Variants in UNK observed in about 807,000 individuals in gnomAD.
UNK encodes the protein RING finger protein unkempt homolog.
Under a neutral mutation model 97.6 loss-of-function variants are expected in UNK, and 32 were observed. The observed-to-expected ratio is 0.33, with a 90% CI of 0.25 to 0.44. The LOEUF (loss-of-function observed/expected upper bound fraction) is 0.44. UNK is among the 20% of genes least tolerant of loss of function. The pLI, the probability that UNK is intolerant of heterozygous loss-of-function variation, is 1.00. For missense variants in UNK, 771 were observed against 1,098.4 expected (o/e 0.70, Z 4.21); for synonymous variants, 441 against 461.2 (o/e 0.96, Z 0.56).
Position 75,824,924 on chromosome 17 carries a change from G to A in UNK, c.*507G>A, listed in dbSNP as rs557070536. ...CCTGCTCCCCCTACCTCCTTGCCAG[G>A]GCAAGGGTGGAGTGTGGAAGACGTG... is the stretch of plus-strand genomic sequence containing the variant. On this transcript the variant is annotated 3_prime_UTR_variant, in exon 16 of 16. Transcript: ENST00000589666. This position sits in a 1 kb window ranked among gnomAD's most constrained non-coding sequence, Gnocchi z 4.9. The A allele has an allele frequency of 1.3e-5, 2 of 152,364 alleles. No homozygotes were observed. The highest frequency in any genetic ancestry group is 4.8e-5 in the African/African-American group (2 of 41,560). 9.4% of individuals were successfully genotyped at this position (152,364 alleles called of 1,614,324 possible). A position where few individuals can be genotyped will look rare whatever the true frequency, so the allele number is the denominator to read the frequency against.
intron 1 of UNK, chr17:75,794,085 C>G: frequency 1.0e-6 from 1 of 984,668 alleles, no homozygotes. Context: ...GAGACTGGTA[C>G]TTGTATTTCC....
Position 75,824,239 on chromosome 17 carries a change from C to G in UNK, c.2278-23C>G. Reference sequence around the variant, plus strand: ...TTGGGGCCAGACCCATGGATGGTGACCACGATGCCCCTTTCCCTGCAGGCC... The same window carrying G: ...TTGGGGCCAGACCCATGGATGGTGAGCACGATGCCCCTTTCCCTGCAGGCC... On this transcript the variant is annotated intron_variant, in intron 15 of 15. Coordinates refer to ENST00000589666, the MANE Select transcript of UNK (RefSeq NM_001080419.3). This position sits in a 1 kb window ranked among gnomAD's most constrained non-coding sequence, Gnocchi z 4.9. 6.4e-7 allele frequency: 1 copy of G among 1,566,312 alleles called. No homozygotes were observed. Among genetic ancestry groups the G allele is most frequent in the Non-Finnish European group, 8.7e-7 (1 of 1,152,948 alleles).
In UNK at chr17:75,815,168, G is replaced by A; in HGVS notation, c.877-1G>A. 1 of 1,612,726 alleles carries A rather than the reference G, an allele frequency of 6.2e-7. No homozygotes were observed. Among genetic ancestry groups the A allele is most frequent in the Non-Finnish European group, 8.5e-7 (1 of 1,179,538 alleles). On this transcript the variant is annotated splice_acceptor_variant, in intron 6 of 15. Transcript: ENST00000589666. LOFTEE classifies it high-confidence loss of function. The stretch of plus-strand genomic sequence containing the variant: ...TGACTTGCCTGTGCTCTGCCCTCCA[G>A]ATCTACAAGTCCACCAAGTGCAACG...
intron 1 of UNK, among the ~76,000 whole-genome samples, chr17:75,799,097 G>C (rs2061833380): frequency 6.6e-6 from 1 of 151,738 alleles, no homozygotes; most frequent in Non-Finnish European, 1.5e-5. Flanking sequence ...GGTTGCTGGA[G>C]GTCAGGAGTT....
chr17:75,811,458 G>A (rs932577905), intron 2 of UNK, among the ~76,000 whole-genome samples: 2 of 152,158 alleles, frequency 1.3e-5, no homozygotes, highest in African/African-American at 2.4e-5. Context: ...CTAGCCTAAC[G>A]AAGCACTCAG....
intron 1 of UNK, among the ~76,000 whole-genome samples, chr17:75,788,103 T>C (rs986249002): frequency 5.3e-5 from 8 of 152,142 alleles, no homozygotes; most frequent in African/African-American, 1.2e-4. Flanking sequence ...TAATTGATCA[T>C]TGATAATAAT....
At chr17:75,802,957 TC>T (rs2061875207) in intron 1 of UNK, among the ~76,000 whole-genome samples, 1 of 136,694 alleles carries the variant, frequency 7.3e-6, no homozygotes, top group Non-Finnish European at 1.5e-5. Context: ...AAACCTCGTC[TC>T]TACTAAAAAT....
chr17:75,801,841 CT>C (rs2061862111), intron 1 of UNK, among the ~76,000 whole-genome samples: 1 of 148,424 alleles, frequency 6.7e-6, no homozygotes, highest in Non-Finnish European at 1.5e-5. Flanking sequence ...CTGCACCCGG[CT>C]CCCCCCAGCC....
At position 75,818,506 on chromosome 17, in the gene UNK, C is replaced by A; in HGVS notation, c.1372-136C>A. The A allele has an allele frequency of 9.6e-7, 1 of 1,038,216 alleles. No homozygotes were observed. Among genetic ancestry groups the A allele is most frequent in the Non-Finnish European group, 1.4e-6 (1 of 734,710 alleles). The allele number at this position is 1,038,216 out of a possible 1,614,324, so 64.3% of individuals were successfully genotyped here. On this transcript the variant is annotated intron_variant, in intron 10 of 15. Coordinates refer to ENST00000589666, the MANE Select transcript of UNK (RefSeq NM_001080419.3). The surrounding 1 kb of genome is among the most constrained non-coding windows in gnomAD (Gnocchi z 5.1). Reference sequence around the variant, plus strand: ...CAACAAGGTGTCGGGTGTGCCGGGGCCCATGTGGGCATGGGGGCACCCGGA... The same window carrying A: ...CAACAAGGTGTCGGGTGTGCCGGGGACCATGTGGGCATGGGGGCACCCGGA...
intron 1 of UNK, among the ~76,000 whole-genome samples, chr17:75,801,477 A>G (rs1599368694): frequency 6.6e-6 from 1 of 152,154 alleles, no homozygotes; most frequent in Admixed American, 6.5e-5. Flanking sequence ...TGATTACACT[A>G]CTGCACTCCA....
At chr17:75,788,108 A>G (rs993487221) in intron 1 of UNK, among the ~76,000 whole-genome samples, 1 of 152,170 alleles carries the variant, frequency 6.6e-6, no homozygotes, top group South Asian at 2.1e-4. Context: ...GATCATTGAT[A>G]ATAATTGATC....
At chr17:75,797,154 A>G (rs1218373765) in intron 1 of UNK, among the ~76,000 whole-genome samples, 1 of 152,358 alleles carries the variant, frequency 6.6e-6, no homozygotes, top group East Asian at 1.9e-4. Context: ...GATTTCAATA[A>G]AGAATGTTTA....
intron 1 of UNK, among the ~76,000 whole-genome samples, chr17:75,791,031 C>G (rs899031784): frequency 3.3e-5 from 5 of 152,122 alleles, no homozygotes; most frequent in Non-Finnish European, 5.9e-5. Flanking sequence ...GGAAGTATAC[C>G]TCAAAGACTA....
At chr17:75,790,058 A>G (rs1411748399) in intron 1 of UNK, among the ~76,000 whole-genome samples, 1 of 152,184 alleles carries the variant, frequency 6.6e-6, no homozygotes, top group African/African-American at 2.4e-5. Flanking sequence ...CAGGAGAATC[A>G]TTTGAACCTG....
At chr17:75,796,873 T>A (rs1567796079) in intron 1 of UNK, among the ~76,000 whole-genome samples, 1 of 152,210 alleles carries the variant, frequency 6.6e-6, no homozygotes, top group Non-Finnish European at 1.5e-5. Flanking sequence ...CAATATTCTC[T>A]TTGAGGGTAA....
At position 75,792,115 on chromosome 17, in the gene UNK, C is replaced by T. The variant is rs1396503472; in HGVS notation, c.104+7131C>T. 5.2e-6 allele frequency: 5 copies of T among 962,280 alleles called. No individual in the cohort carries two copies. The African/African-American group carries it at 8.8e-5, about 17-fold the overall frequency. 59.6% of individuals were successfully genotyped at this position (962,280 alleles called of 1,614,324 possible). A position where few individuals can be genotyped will look rare whatever the true frequency, so the allele number is the denominator to read the frequency against. ...GAGCAGCACAGCACACATCTGCAGGCTTTCCTGCCAGACCTTTACCTAAAG... is the reference window on the plus strand; with the variant it reads ...GAGCAGCACAGCACACATCTGCAGGTTTTCCTGCCAGACCTTTACCTAAAG... On this transcript the variant is annotated intron_variant, in intron 1 of 15. Coordinates refer to ENST00000589666, the MANE Select transcript of UNK (RefSeq NM_001080419.3).
chr17:75,815,192 C>A lies in UNK; in HGVS notation c.900C>A (p.Asn300Lys). ...HPEIYKSTKC[N>K]DMQQSGSCPR... The stretch of plus-strand genomic sequence containing the variant: ...AGATCTACAAGTCCACCAAGTGCAA[C>A]GACATGCAGCAGTCGGGCAGCTGTC... The change falls in exon 7 of 16, where the codon AAC becomes AAA. Residue 300 changes from asparagine (N) to lysine (K), a missense_variant. Coordinates refer to ENST00000589666, the MANE Select transcript of UNK (RefSeq NM_001080419.3). 1.9e-6 allele frequency: 3 copies of A among 1,613,380 alleles called. No homozygotes were observed. The highest frequency in any genetic ancestry group is 2.5e-6 in the Non-Finnish European group (3 of 1,179,692).
intron 1 of UNK, among the ~76,000 whole-genome samples, chr17:75,797,230 T>TTTTTTG (rs1011576783): frequency 2.0e-5 from 3 of 152,302 alleles, no homozygotes; most frequent in South Asian, 2.1e-4. Context: ...TATATATTTG[T>TTTTTTG]TTTTTGTTTT....
chr17:75,796,010 C>CTG (rs142621896), intron 1 of UNK, among the ~76,000 whole-genome samples: 5 of 152,146 alleles, frequency 3.3e-5, no homozygotes, highest in East Asian at 3.9e-4. Flanking sequence ...CTGTGGGTTG[C>CTG]TGTGTGTGTG....
Sources: allele counts gnomAD v4.1 joint callset (sites outside exome capture counted in the v4.1 genomes callset), GRCh38; gene constraint gnomAD v4.1.1; non-coding constraint Gnocchi (gnomAD v3.1); transcripts MANE v1.5; gene names NCBI Gene and HGNC (gene_info 2026-07-23, HGNC 2026-07-21).